Variants in AGPAT4 observed in about 807,000 individuals in gnomAD.
AGPAT4 encodes the protein 1-acyl-sn-glycerol-3-phosphate acyltransferase delta.
A neutral mutation model predicts 48.0 loss-of-function variants in AGPAT4; 15 were observed. The ratio of observed to expected loss-of-function variants is 0.31; its 90% confidence interval spans 0.21 to 0.48. The LOEUF is 0.48. Among genes scored for constraint, AGPAT4 ranks in the 20% least tolerant of loss-of-function variants. AGPAT4 has a pLI of 0.99. For missense variants in AGPAT4, 314 were observed against 482.5 expected (o/e 0.65, Z 3.27); for synonymous variants, 178 against 198.7 (o/e 0.90, Z 0.88).
Position 161,132,638 on chromosome 6 carries a change from G to A in AGPAT4, c.*3902C>T, listed in dbSNP as rs549562228. 2.0e-5 allele frequency: 3 copies of A among 152,430 alleles called. No individual in the cohort carries two copies. The highest frequency in any genetic ancestry group is 7.2e-5 in the African/African-American group (3 of 41,592). The allele number at this position is 152,430 out of a possible 1,614,324, so 9.4% of individuals were successfully genotyped here. A position where few individuals can be genotyped will look rare whatever the true frequency, so the allele number is the denominator to read the frequency against. ...AGAATCAGAAAGCATGGTGGAGTCC[G>A]AAAGCATTGGCAAAGCCAGCACATC... On this transcript the variant is annotated 3_prime_UTR_variant, in exon 9 of 9. Transcript: ENST00000320285.
Position 161,184,597 on chromosome 6 carries a change from CCT to C in AGPAT4, c.179-18182_179-18181del, listed in dbSNP as rs966441317. Among the ~76,000 whole-genome samples, 2 of 152,104 alleles carry C rather than the reference CCT, an allele frequency of 1.3e-5. No homozygotes were observed. The highest frequency in any genetic ancestry group is 6.5e-5 in the Admixed American group (1 of 15,272). On this transcript the variant is annotated intron_variant, in intron 2 of 8. Transcript: ENST00000320285. This position sits in a 1 kb window ranked among gnomAD's most constrained non-coding sequence, Gnocchi z 4.8. ...CCCATTCCCACCTGTCATCCTCTGG[CCT>C]CTCTGTCCCTGCTTCCTCCCAGGCT...
At position 161,232,208 on chromosome 6, in the gene AGPAT4, G is replaced by A. The variant is rs764902857; in HGVS notation, c.6C>T (p.Asp2=). The stretch of plus-strand genomic sequence containing the variant: ...ACTGAGACTTCAGCAGTCCCGCGAG[G>A]TCCATGATGCGTGGACGCTCTTATT... M[D]LAGLLKSQFL... is the part of the protein sequence containing the mutation. The change falls in exon 2 of 9, where the codon GAC becomes GAT. Residue 2 remains aspartate (D), a synonymous_variant. Transcript: ENST00000320285. This position sits in a 1 kb window ranked among gnomAD's most constrained non-coding sequence, Gnocchi z 6.8. 5.0e-6 allele frequency: 8 copies of A among 1,613,764 alleles called. No homozygotes were observed. The highest frequency in any genetic ancestry group is 6.8e-6 in the Non-Finnish European group (8 of 1,179,910).
At chr6:161,253,556 T>A (rs936463870) in intron 1 of AGPAT4, among the ~76,000 whole-genome samples, 1 of 151,966 alleles carries the variant, frequency 6.6e-6, no homozygotes, top group Non-Finnish European at 1.5e-5. Flanking sequence ...ACCCAGCCAA[T>A]ATGATCCAAC....
At position 161,223,573 on chromosome 6, in the gene AGPAT4, G is replaced by A. The variant is rs777238895; in HGVS notation, c.178+8463C>T. Among the ~76,000 whole-genome samples, 5 of 152,176 alleles carry A rather than the reference G, an allele frequency of 3.3e-5. No individual in the cohort carries two copies. The highest frequency in any genetic ancestry group is 6.5e-5 in the Admixed American group (1 of 15,290). On this transcript the variant is annotated intron_variant, in intron 2 of 8. Transcript: ENST00000320285. This position sits in a 1 kb window ranked among gnomAD's most constrained non-coding sequence, Gnocchi z 6.3. ...ACAATGCTTAATACATAATCAACAC[G>A]TGACAAATGTAGCGAGTGTAATGAC...
rs1435964164 is a variant in AGPAT4, at chr6:161,180,096, A to G, written c.179-13679T>C. On this transcript the variant is annotated intron_variant, in intron 2 of 8. Coordinates refer to ENST00000320285, the MANE Select transcript of AGPAT4 (RefSeq NM_020133.3). The surrounding 1 kb of genome is among the most constrained non-coding windows in gnomAD (Gnocchi z 6.4). ...TACTCCTCTCTAAGTAGTCAGTCACAAGACCTGGCTGCATTCTGGTCAGGA... is the reference window on the plus strand; with the variant it reads ...TACTCCTCTCTAAGTAGTCAGTCACGAGACCTGGCTGCATTCTGGTCAGGA... 6.6e-6 allele frequency among the ~76,000 whole-genome samples: 1 copy of G among 152,168 alleles called. No homozygotes were observed. Among genetic ancestry groups the G allele is most frequent in the East Asian group, 1.9e-4 (1 of 5,198 alleles).
At chr6:161,163,600 G>T (rs1780001350) in intron 3 of AGPAT4, among the ~76,000 whole-genome samples, 2 of 152,174 alleles carry the variant, frequency 1.3e-5, no homozygotes, top group South Asian at 4.1e-4. Context: ...GTACAGGCTG[G>T]CAGCTCCCAT....
At chr6:161,241,124 G>T (rs765669794) in intron 1 of AGPAT4, among the ~76,000 whole-genome samples, 1 of 151,770 alleles carries the variant, frequency 6.6e-6, no homozygotes, top group African/African-American at 2.4e-5. Flanking sequence ...TTAGCTGGGC[G>T]TGGTGGCAGG....
chr6:161,131,176 A>C lies in AGPAT4; in HGVS notation c.*5364T>G. The stretch of plus-strand genomic sequence containing the variant: ...TTTAAAAAAACAAATTAAATGTAAA[A>C]ATTGTATGACTCTTACCCAGTGAAA... On this transcript the variant is annotated 3_prime_UTR_variant, in exon 9 of 9. Coordinates refer to ENST00000320285, the MANE Select transcript of AGPAT4 (RefSeq NM_020133.3). The C allele has an allele frequency of 3.3e-6, 1 of 300,904 alleles. No individual in the cohort carries two copies. Among genetic ancestry groups the C allele is most frequent in the Non-Finnish European group, 6.7e-6 (1 of 150,172 alleles). The allele number at this position is 300,904 out of a possible 1,614,324, so 18.6% of individuals were successfully genotyped here. A position where few individuals can be genotyped will look rare whatever the true frequency, so the allele number is the denominator to read the frequency against.
In AGPAT4 at chr6:161,139,654, C is replaced by A. The variant is rs1033789646; in HGVS notation, c.844-34G>T. 3.2e-6 allele frequency: 5 copies of A among 1,551,574 alleles called. No homozygotes were observed. The highest frequency in any genetic ancestry group is 4.4e-6 in the Non-Finnish European group (5 of 1,142,282). ...CAGGAAAGAGGACCCTCAGACGCCA[C>A]ACGGGGCTCGGTGGCAGGTCCCTCC... On this transcript the variant is annotated intron_variant, in intron 7 of 8. Coordinates refer to ENST00000320285, the MANE Select transcript of AGPAT4 (RefSeq NM_020133.3). This position sits in a 1 kb window ranked among gnomAD's most constrained non-coding sequence, Gnocchi z 9.1.
At chr6:161,211,588 C>T (rs1422686944) in intron 2 of AGPAT4, among the ~76,000 whole-genome samples, 1 of 151,840 alleles carries the variant, frequency 6.6e-6, no homozygotes, top group African/African-American at 2.4e-5. Context: ...AAAGTCCAAG[C>T]ATGTCATGAA....
rs1230246593 is a variant in AGPAT4, at chr6:161,218,817, T to TATC, written c.178+13216_178+13218dup. On this transcript the variant is annotated intron_variant, in intron 2 of 8. Coordinates refer to ENST00000320285, the MANE Select transcript of AGPAT4 (RefSeq NM_020133.3). This position sits in a 1 kb window ranked among gnomAD's most constrained non-coding sequence, Gnocchi z 4.7. Reference sequence around the variant, plus strand: ...TACCAAACAGTATGATAAAACACTGTATCTACCAAACAGTATGATAAAACA... The same window carrying TATC: ...TACCAAACAGTATGATAAAACACTGTATCATCTACCAAACAGTATGATAAAACA... 6.7e-6 allele frequency among the ~76,000 whole-genome samples: 1 copy of TATC among 150,106 alleles called. No homozygotes were observed. Among genetic ancestry groups the TATC allele is most frequent in the East Asian group, 1.9e-4 (1 of 5,192 alleles).
At position 161,242,998 on chromosome 6, in the gene AGPAT4, G is replaced by A. The variant is rs1188602213; in HGVS notation, c.-89-10696C>T. Among the ~76,000 whole-genome samples, 1 of 152,168 alleles carries A rather than the reference G, an allele frequency of 6.6e-6. No individual in the cohort carries two copies. The highest frequency in any genetic ancestry group is 1.5e-5 in the Non-Finnish European group (1 of 68,032). On this transcript the variant is annotated intron_variant, in intron 1 of 8. Coordinates refer to ENST00000320285, the MANE Select transcript of AGPAT4 (RefSeq NM_020133.3). This position sits in a 1 kb window ranked among gnomAD's most constrained non-coding sequence, Gnocchi z 5.0. Reference sequence around the variant, plus strand: ...GAATTGATTGAACCCAGGAGGTGGAGGTTGCAGTGAGTGGAGATTGCGCCA... The same window carrying A: ...GAATTGATTGAACCCAGGAGGTGGAAGTTGCAGTGAGTGGAGATTGCGCCA...
At position 161,240,219 on chromosome 6, in the gene AGPAT4, TATACACACAC is replaced by T. The variant is rs1172779289; in HGVS notation, c.-89-7927_-89-7918del. Among the ~76,000 whole-genome samples the T allele has an allele frequency of 1.3e-3, 163 of 121,948 alleles. 4 individuals carry two copies. The East Asian group carries it at 0.033, about 24-fold the overall frequency. 80.0% of individuals were successfully genotyped at this position (121,948 alleles called of 152,430 possible). A position where few individuals can be genotyped will look rare whatever the true frequency, so the allele number is the denominator to read the frequency against. ...AACACTAACAGCAGATATCTTTGTGTATACACACACACACACACACACACACACACACACA... is the reference window on the plus strand; with the variant it reads ...AACACTAACAGCAGATATCTTTGTGTACACACACACACACACACACACACA... On this transcript the variant is annotated intron_variant, in intron 1 of 8. Transcript: ENST00000320285. This position sits in a 1 kb window ranked among gnomAD's most constrained non-coding sequence, Gnocchi z 5.5.
At position 161,144,182 on chromosome 6, in the gene AGPAT4, C is replaced by T. The variant is rs1435742315; in HGVS notation, c.843+2342G>A. 2 of 533,246 alleles carry T rather than the reference C, an allele frequency of 3.8e-6. No homozygotes were observed. The highest frequency in any genetic ancestry group is 1.9e-5 in the Admixed American group (1 of 51,586). 33.0% of individuals were successfully genotyped at this position (533,246 alleles called of 1,614,324 possible). ...TGCACCACTTCCACTTGCTGCTCAGCGATCTTCTCGGAAGGGCAAAGGGCC... is the reference window on the plus strand; with the variant it reads ...TGCACCACTTCCACTTGCTGCTCAGTGATCTTCTCGGAAGGGCAAAGGGCC... On this transcript the variant is annotated intron_variant, in intron 7 of 8. Coordinates refer to ENST00000320285, the MANE Select transcript of AGPAT4 (RefSeq NM_020133.3). This position sits in a 1 kb window ranked among gnomAD's most constrained non-coding sequence, Gnocchi z 6.6.
chr6:161,187,702 A>G (rs1780810824), intron 2 of AGPAT4, among the ~76,000 whole-genome samples: 1 of 151,930 alleles, frequency 6.6e-6, no homozygotes, highest in South Asian at 2.1e-4. Context: ...CACCACACCC[A>G]GCTAATTTTT....
rs1424995905 is a variant in AGPAT4 at position 161,147,293 on chromosome 6, A to C, written c.768-694T>G. ...GGTGCTGGCAAGGGCTTGCCACTCG[A>C]TCATTTGCAAAGAGCCCATACTGAA... On this transcript the variant is annotated intron_variant, in intron 6 of 8. Coordinates refer to ENST00000320285, the MANE Select transcript of AGPAT4 (RefSeq NM_020133.3). This position sits in a 1 kb window ranked among gnomAD's most constrained non-coding sequence, Gnocchi z 4.8. 6.6e-6 allele frequency among the ~76,000 whole-genome samples: 1 copy of C among 152,040 alleles called. No individual in the cohort carries two copies. Among genetic ancestry groups the C allele is most frequent in the East Asian group, 1.9e-4 (1 of 5,192 alleles).
intron 3 of AGPAT4, among the ~76,000 whole-genome samples, chr6:161,163,368 T>G (rs747363323): frequency 1.3e-5 from 2 of 152,042 alleles, no homozygotes; most frequent in African/African-American, 2.4e-5. Context: ...CATGTGTTAT[T>G]TAAGAAAAAA....
Position 161,139,471 on chromosome 6 carries a change from C to T in AGPAT4, c.993G>A (p.Arg331=), listed in dbSNP as rs1302801141. 4 of 1,614,032 alleles carry T rather than the reference C, an allele frequency of 2.5e-6. 1 individual carries two copies. The highest frequency in any genetic ancestry group is 2.7e-5 in the African/African-American group (2 of 74,944). Residue 331 remains arginine (R), a synonymous_variant, in exon 8 of 9, where the codon AGG becomes AGA. Coordinates refer to ENST00000320285, the MANE Select transcript of AGPAT4 (RefSeq NM_020133.3). This position sits in a 1 kb window ranked among gnomAD's most constrained non-coding sequence, Gnocchi z 9.1. Reference sequence around the variant, plus strand: ...TGGCCAGCGTCAGGGAAGACCCGCTCCTGATCATGCTGACCAGGAACTGGA... The same window carrying T: ...TGGCCAGCGTCAGGGAAGACCCGCTTCTGATCATGCTGACCAGGAACTGGA... ...PFFQFLVSMI[R]SGSSLTLASF... is the part of the protein sequence containing the mutation.
intron 2 of AGPAT4, among the ~76,000 whole-genome samples, chr6:161,209,464 C>A (rs1562339234): frequency 6.6e-6 from 1 of 152,148 alleles, no homozygotes; most frequent in Non-Finnish European, 1.5e-5. Context: ...GAGAAGGGAA[C>A]TTTTCTGTTC....
Sources: gnomAD v4.1 joint callset for allele counts (sites outside exome capture counted in the v4.1 genomes callset) on GRCh38, gnomAD v4.1.1 for gene constraint, Gnocchi (gnomAD v3.1) non-coding constraint, MANE v1.5 for transcripts, NCBI Gene and HGNC (gene_info 2026-07-23, HGNC 2026-07-21) for gene names.